SLC9A2: variants seen among roughly 807,000 people sequenced by gnomAD.
SLC9A2 encodes the protein sodium/hydrogen exchanger 2.
A neutral mutation model predicts 71.7 loss-of-function variants in SLC9A2; 42 were observed. The observed-to-expected ratio is 0.59, with a 90% CI of 0.46 to 0.76. The LOEUF is 0.76. Ranked by LOEUF, SLC9A2 falls within the 30% of genes least tolerant of loss-of-function variation. The probability of loss-of-function intolerance (pLI) is 0.00; values close to 1 mark genes in which losing one functional copy is unlikely to be tolerated. For missense variants in SLC9A2, 829 were observed against 1,017.4 expected, an observed-to-expected ratio of 0.81 and a Z score of 2.52; for synonymous variants, 396 against 392.5, an observed-to-expected ratio of 1.01 and a Z score of -0.10.
Position 102,619,880 on chromosome 2 carries a change from G to A in SLC9A2, c.32G>A (p.Arg11Gln), listed in dbSNP as rs1245555158. 6.4e-6 allele frequency: 10 copies of A among 1,559,962 alleles called. No homozygotes were observed. The highest frequency in any genetic ancestry group is 5.9e-5 in the South Asian group (5 of 85,258). Reference protein sequence around the residue: MEPLGNWRSLRAPLPPMLLLL... With the variant: MEPLGNWRSLQAPLPPMLLLL... ...CCACTGGGCAACTGGAGGAGCCTGCGGGCGCCACTGCCTCCGATGCTGTTG... is the reference window on the plus strand; with the variant it reads ...CCACTGGGCAACTGGAGGAGCCTGCAGGCGCCACTGCCTCCGATGCTGTTG... Residue 11 changes from arginine (R) to glutamine (Q), a missense_variant, in exon 1 of 12, where the codon CGG (arginine) becomes CAG (glutamine). Physicochemically the swap from Arg to Gln is conservative, Grantham distance 43. Transcript: ENST00000233969. The surrounding 1 kb of genome is among the most constrained non-coding windows in gnomAD (Gnocchi z 4.3).
At chr2:102,678,619 T>A (rs1295228926) in intron 3 of SLC9A2, among the ~76,000 whole-genome samples, 1 of 152,178 alleles carries the variant, frequency 6.6e-6, no homozygotes, top group Non-Finnish European at 1.5e-5. Flanking sequence ...GAAGAAATCT[T>A]ATCTCTTGAT....
chr2:102,642,486 G>T (rs1676603530), intron 1 of SLC9A2, among the ~76,000 whole-genome samples: 1 of 151,330 alleles, frequency 6.6e-6, no homozygotes, highest in Non-Finnish European at 1.5e-5. Context: ...GTGAATTTTT[G>T]AATATTGAAC....
At chr2:102,664,269 G>T (rs921918679) in intron 2 of SLC9A2, among the ~76,000 whole-genome samples, 39 of 140,032 alleles carry the variant, frequency 2.8e-4, no homozygotes, top group African/African-American at 1.1e-3. Context: ...GTGAGAGTGA[G>T]ACTCAAAAAA....
chr2:102,700,731 T>A (rs1329264805), intron 7 of SLC9A2, among the ~76,000 whole-genome samples: 1 of 152,218 alleles, frequency 6.6e-6, no homozygotes, highest in Non-Finnish European at 1.5e-5. Flanking sequence ...ACATGTATTT[T>A]AATCTGTAAT....
chr2:102,654,065 A>T (rs1476115054), intron 1 of SLC9A2, among the ~76,000 whole-genome samples: 1 of 152,166 alleles, frequency 6.6e-6, no homozygotes, highest in East Asian at 1.9e-4. Context: ...CTGGGTTTCA[A>T]GTAAGGGGGC....
intron 1 of SLC9A2, among the ~76,000 whole-genome samples, chr2:102,649,727 C>T (rs559729594): frequency 6.6e-6 from 1 of 152,272 alleles, no homozygotes; most frequent in South Asian, 2.1e-4. Flanking sequence ...AAAAGCTCAT[C>T]ATCACTAGTC....
chr2:102,663,732 A>G (rs1677086480), intron 2 of SLC9A2, among the ~76,000 whole-genome samples: 1 of 152,232 alleles, frequency 6.6e-6, no homozygotes, highest in Non-Finnish European at 1.5e-5. Flanking sequence ...TAACGTCCTT[A>G]TCAGTCGGTT....
At chr2:102,688,813 A>G (rs1677606342) in intron 5 of SLC9A2, among the ~76,000 whole-genome samples, 1 of 152,222 alleles carries the variant, frequency 6.6e-6, no homozygotes, top group South Asian at 2.1e-4. Context: ...TTTCTTTGGA[A>G]GGAAAAATGA....
intron 3 of SLC9A2, among the ~76,000 whole-genome samples, chr2:102,675,252 C>T (rs1677327549): frequency 6.6e-6 from 1 of 152,124 alleles, no homozygotes; most frequent in South Asian, 2.1e-4. Flanking sequence ...GAGGGACATT[C>T]TGGGTAGAGG....
Position 102,708,511 on chromosome 2 carries a change from T to G in SLC9A2, c.*22T>G. The G allele has an allele frequency of 6.2e-7, 1 of 1,603,562 alleles. No individual in the cohort carries two copies. On this transcript the variant is annotated 3_prime_UTR_variant, in exon 12 of 12. Transcript: ENST00000233969. ...TTAAGAGAAGCAGCGAAAGCAGATC[T>G]GAGTGTCTGACCCAGGACAGCTGTG...
chr2:102,707,128 G>T (rs1481507573), intron 11 of SLC9A2, among the ~76,000 whole-genome samples: 3 of 152,126 alleles, frequency 2.0e-5, no homozygotes, highest in South Asian at 2.1e-4. Flanking sequence ...AGGGGCAAGG[G>T]TTGAAAAATT....
At chr2:102,646,859 A>T (rs1052955186) in intron 1 of SLC9A2, among the ~76,000 whole-genome samples, 1 of 151,364 alleles carries the variant, frequency 6.6e-6, no homozygotes, top group Admixed American at 6.6e-5. Context: ...TTAGACTCCC[A>T]TACAATAATA....
chr2:102,633,779 A>C (rs1251275061), intron 1 of SLC9A2, among the ~76,000 whole-genome samples: 1 of 152,200 alleles, frequency 6.6e-6, no homozygotes, highest in Non-Finnish European at 1.5e-5. Flanking sequence ...ATATATATTT[A>C]ACACGTTAAG....
intron 5 of SLC9A2, among the ~76,000 whole-genome samples, chr2:102,693,057 A>T (rs934219391): frequency 4.7e-5 from 7 of 149,418 alleles, no homozygotes; most frequent in South Asian, 2.1e-4. Flanking sequence ...CTAGTATTTT[A>T]TATATATATA....
intron 7 of SLC9A2, among the ~76,000 whole-genome samples, chr2:102,696,393 T>C (rs545886167): frequency 6.6e-6 from 1 of 152,320 alleles, no homozygotes; most frequent in Non-Finnish European, 1.5e-5. Flanking sequence ...GAATTTTTTT[T>C]CCCTCCACTG....
Position 102,708,243 on chromosome 2 carries a change from G to C in SLC9A2, c.2193G>C (p.Trp731Cys), listed in dbSNP as rs1678023043. The stretch of plus-strand genomic sequence containing the variant: ...CCCCCCAGTCCTATAAAATGGAATG[G>C]AAGAATGAGGTAGATGTTGATTCTG... ...KKSPQSYKME[W>C]KNEVDVDSGR... Residue 731 changes from tryptophan to cysteine, a missense_variant, in exon 12 of 12, where the codon TGG becomes TGC. Trp to Cys is a radical substitution (Grantham distance 215). Around this residue, in one of 3 missense-constraint regions of SLC9A2, gnomAD observed 223 missense variants for 197.5 expected, o/e 1.13. Transcript: ENST00000233969. 1 of 1,614,052 alleles carries C rather than the reference G, an allele frequency of 6.2e-7. No homozygotes were observed. Among genetic ancestry groups the C allele is most frequent in the African/African-American group, 1.3e-5 (1 of 74,920 alleles).
At chr2:102,628,417 G>A (rs947841590) in intron 1 of SLC9A2, among the ~76,000 whole-genome samples, 1 of 152,064 alleles carries the variant, frequency 6.6e-6, no homozygotes, top group African/African-American at 2.4e-5. Flanking sequence ...GATCTTCATG[G>A]AGCCAAAGGA....
intron 2 of SLC9A2, among the ~76,000 whole-genome samples, chr2:102,662,559 G>A (rs1677068205): frequency 6.6e-6 from 1 of 152,212 alleles, no homozygotes; most frequent in Admixed American, 6.5e-5. Context: ...TGCAAAGGCT[G>A]GAGGGGTCCA....
chr2:102,626,152 C>T (rs370053013), intron 1 of SLC9A2, among the ~76,000 whole-genome samples: 25 of 152,242 alleles, frequency 1.6e-4, no homozygotes, highest in Non-Finnish European at 2.4e-4. Flanking sequence ...GGAGGCATCA[C>T]GCTACCTGAC....
Sources: gnomAD v4.1 joint callset for allele counts (sites outside exome capture counted in the v4.1 genomes callset) on GRCh38, gnomAD v4.1.1 for gene constraint, gnomAD v4.1.1 regional missense constraint, Gnocchi (gnomAD v3.1) non-coding constraint, MANE v1.5 for transcripts, NCBI Gene and HGNC (gene_info 2026-07-23, HGNC 2026-07-21) for gene names.